The following ZFPM1 variants were observed in gnomAD, a reference collection of about 807,000 sequenced individuals.
ZFPM1 encodes the protein zinc finger protein ZFPM1.
In ZFPM1, 28 loss-of-function variants were observed where a neutral mutation model predicts 46.3. The observed-to-expected ratio is 0.60, with a 90% CI of 0.45 to 0.83. ZFPM1 has a LOEUF of 0.83. Among genes scored for constraint, ZFPM1 ranks in the 40% least tolerant of loss-of-function variants. The pLI is 0.00. For synonymous variants in ZFPM1, 957 were observed against 675.9 expected, an observed-to-expected ratio of 1.42 and a Z score of -6.45; for missense variants, 1,878 against 1,432.4, an observed-to-expected ratio of 1.31 and a Z score of -5.02.
chr16:88,474,029 T>G (rs1042000347), intron 1 of ZFPM1, among the ~76,000 whole-genome samples: 3 of 152,262 alleles, frequency 2.0e-5, no homozygotes, highest in Non-Finnish European at 4.4e-5. Context: ...GGCGCCAACC[T>G]TCAGCGTCGA....
Position 88,522,821 on chromosome 16 carries a change from G to A in ZFPM1, c.403-3993G>A, listed in dbSNP as rs569597638. 2.0e-4 allele frequency among the ~76,000 whole-genome samples: 31 copies of A among 152,294 alleles called. 1 individual carries two copies. The highest frequency in any genetic ancestry group is 1.4e-3 in the Admixed American group (21 of 15,304). ...CACCTGCCTGACCAGGCTGGGTGCC[G>A]AGCCTGTGGCACCCTGGGAGGGAAG... On this transcript the variant is annotated intron_variant, in intron 4 of 9. Coordinates refer to ENST00000319555, the MANE Select transcript of ZFPM1 (RefSeq NM_153813.3).
intron 3 of ZFPM1, among the ~76,000 whole-genome samples, chr16:88,492,067 C>T (rs900965003): frequency 2.0e-5 from 3 of 152,156 alleles, no homozygotes; most frequent in Non-Finnish European, 2.9e-5. Context: ...CTCTGATGCT[C>T]CATCTTGTGT....
Position 88,535,538 on chromosome 16 carries a change from C to T in ZFPM1, c.*559C>T, listed in dbSNP as rs1913211887. 2 of 152,440 alleles carry T rather than the reference C, an allele frequency of 1.3e-5. No individual in the cohort carries two copies. The highest frequency in any genetic ancestry group is 4.8e-5 in the African/African-American group (2 of 41,484). 9.4% of individuals were successfully genotyped at this position (152,440 alleles called of 1,614,324 possible). A position where few individuals can be genotyped will look rare whatever the true frequency, so the allele number is the denominator to read the frequency against. ...GGGGGTCCGATGTCCCCCATCCAGT[C>T]ACAGACCACCAGGGATGGCAGGGGT... On this transcript the variant is annotated 3_prime_UTR_variant, in exon 10 of 10. Coordinates refer to ENST00000319555, the MANE Select transcript of ZFPM1 (RefSeq NM_153813.3).
rs1055304260 is a variant in ZFPM1, at chr16:88,473,502, G to A, written c.41-12437G>A. Among the ~76,000 whole-genome samples, 11 of 152,122 alleles carry A rather than the reference G, an allele frequency of 7.2e-5. 1 individual carries two copies. The highest frequency in any genetic ancestry group is 2.1e-4 in the South Asian group (1 of 4,836). On this transcript the variant is annotated intron_variant, in intron 1 of 9. Coordinates refer to ENST00000319555, the MANE Select transcript of ZFPM1 (RefSeq NM_153813.3). ...GTCGGCTGCTAGGGAGGGCCATGAC[G>A]GCCCCGCTGCCCCGGGGTCTGGGTG...
intron 1 of ZFPM1, among the ~76,000 whole-genome samples, chr16:88,455,843 G>C (rs972343204): frequency 6.6e-6 from 1 of 152,170 alleles, no homozygotes; most frequent in African/African-American, 2.4e-5. Flanking sequence ...CGATAGGCCG[G>C]GCTGCCGACG....
At chr16:88,522,618 C>T (rs919014073) in intron 4 of ZFPM1, among the ~76,000 whole-genome samples, 10 of 152,370 alleles carry the variant, frequency 6.6e-5, no homozygotes, top group African/African-American at 2.2e-4. Flanking sequence ...ATCGGTGCCA[C>T]CGCAGAATCA....
chr16:88,486,720 A>G (rs1446462671), intron 2 of ZFPM1, among the ~76,000 whole-genome samples: 3 of 148,246 alleles, frequency 2.0e-5, no homozygotes, highest in African/African-American at 7.7e-5. Flanking sequence ...CTGGGGGCAC[A>G]GTGGATGCTG....
At position 88,469,797 on chromosome 16, in the gene ZFPM1, G is replaced by A. The variant is rs1323226163; in HGVS notation, c.40+16119G>A. On this transcript the variant is annotated intron_variant, in intron 1 of 9. Coordinates refer to ENST00000319555, the MANE Select transcript of ZFPM1 (RefSeq NM_153813.3). This position sits in a 1 kb window ranked among gnomAD's most constrained non-coding sequence, Gnocchi z 4.3. The stretch of plus-strand genomic sequence containing the variant: ...CTGGGCTGAGATCTAAGGAGAGGAA[G>A]TAGGGAGGGGCCGTCCGACCAGAAC... 1.3e-5 allele frequency among the ~76,000 whole-genome samples: 2 copies of A among 152,186 alleles called. No individual in the cohort carries two copies. The highest frequency in any genetic ancestry group is 1.9e-4 in the East Asian group (1 of 5,150).
chr16:88,481,099 C>A (rs983425715), intron 1 of ZFPM1, among the ~76,000 whole-genome samples: 1 of 152,252 alleles, frequency 6.6e-6, no homozygotes, highest in Non-Finnish European at 1.5e-5. Flanking sequence ...ATTTCCATTT[C>A]GGCGTCCGGC....
intron 1 of ZFPM1, among the ~76,000 whole-genome samples, chr16:88,472,662 A>G (rs527393088): frequency 6.6e-6 from 1 of 151,980 alleles, no homozygotes. Flanking sequence ...TGAATTTTCT[A>G]TTTTTTATTG....
chr16:88,472,538 G>A (rs998654328), intron 1 of ZFPM1, among the ~76,000 whole-genome samples: 1 of 151,974 alleles, frequency 6.6e-6, no homozygotes, highest in African/African-American at 2.4e-5. Flanking sequence ...ATTTTTAGTA[G>A]AGACGGGGTT....
At chr16:88,500,803 C>T (rs1325233115) in intron 3 of ZFPM1, among the ~76,000 whole-genome samples, 1 of 152,256 alleles carries the variant, frequency 6.6e-6, no homozygotes, top group African/African-American at 2.4e-5. Context: ...CACAGTTTCT[C>T]TTTCCCAGCA....
rs1909975618 is a variant in ZFPM1, at chr16:88,497,165, G to A, written c.268+8012G>A. ...TGGGCTCTGATGGCAGAGATGGGAAGGCTGGCCATGTCCCCAGGGCACTGC... is the reference window on the plus strand; with the variant it reads ...TGGGCTCTGATGGCAGAGATGGGAAAGCTGGCCATGTCCCCAGGGCACTGC... On this transcript the variant is annotated intron_variant, in intron 3 of 9. Coordinates refer to ENST00000319555, the MANE Select transcript of ZFPM1 (RefSeq NM_153813.3). The surrounding 1 kb of genome is among the most constrained non-coding windows in gnomAD (Gnocchi z 5.4). 6.6e-6 allele frequency among the ~76,000 whole-genome samples: 1 copy of A among 152,248 alleles called. No individual in the cohort carries two copies. The highest frequency in any genetic ancestry group is 1.5e-5 in the Non-Finnish European group (1 of 68,044).
At chr16:88,489,440 G>A (rs1236368556) in intron 3 of ZFPM1, 8 of 377,974 alleles carry the variant, frequency 2.1e-5, no homozygotes, top group Non-Finnish European at 2.9e-5. Flanking sequence ...CCAGAGTGGT[G>A]GCTGGTAAAG....
At chr16:88,475,781 C>T (rs1908655331) in intron 1 of ZFPM1, among the ~76,000 whole-genome samples, 1 of 152,154 alleles carries the variant, frequency 6.6e-6, no homozygotes, top group African/African-American at 2.4e-5. Flanking sequence ...AGGGGCTGGG[C>T]TCAGAGGAGC....
intron 1 of ZFPM1, among the ~76,000 whole-genome samples, chr16:88,481,225 A>G (rs1043790822): frequency 6.6e-6 from 1 of 152,228 alleles, no homozygotes; most frequent in African/African-American, 2.4e-5. Context: ...GACCACAGCC[A>G]TAGCCCGTGG....
At chr16:88,492,580 G>A (rs1186921842) in intron 3 of ZFPM1, among the ~76,000 whole-genome samples, 1 of 152,240 alleles carries the variant, frequency 6.6e-6, no homozygotes, top group Non-Finnish European at 1.5e-5. Flanking sequence ...TCTGCTGGCT[G>A]GACCCGGACT....
intron 3 of ZFPM1, among the ~76,000 whole-genome samples, chr16:88,506,975 G>A (rs79081332): frequency 0.034 from 5,151 of 152,304 alleles, 114 homozygotes; most frequent in Non-Finnish European, 0.053. Context: ...TGCCACAGCC[G>A]GGGCCACTGC....
intron 1 of ZFPM1, among the ~76,000 whole-genome samples, chr16:88,475,862 C>A (rs1161798149): frequency 1.3e-5 from 2 of 152,180 alleles, no homozygotes; most frequent in African/African-American, 4.8e-5. Flanking sequence ...ACCCTCGGCC[C>A]CCTGGACGGC....
Sources: allele counts gnomAD v4.1 joint callset (sites outside exome capture counted in the v4.1 genomes callset), GRCh38; gene constraint gnomAD v4.1.1; non-coding constraint Gnocchi (gnomAD v3.1); transcripts MANE v1.5; gene names NCBI Gene and HGNC (gene_info 2026-07-23, HGNC 2026-07-21).